Variants in PIK3CD observed in about 807,000 individuals in gnomAD.
PIK3CD encodes phosphatidylinositol-4,5-bisphosphate 3-kinase catalytic subunit delta.
A neutral mutation model predicts 122.9 loss-of-function variants in PIK3CD; 20 were observed. The observed-to-expected ratio is 0.16, with a 90% CI of 0.11 to 0.24. PIK3CD has a LOEUF of 0.24. PIK3CD is among the 10% of genes least tolerant of loss of function. The pLI is 1.00. For synonymous variants in PIK3CD, 596 were observed against 593.4 expected (o/e 1.00, Z -0.06); for missense variants, 787 against 1,406.3 (o/e 0.56, Z 7.04).
chr1:9,645,371 G>T, the PIK3CD span, among the ~76,000 whole-genome samples: 1 of 151,986 alleles, frequency 6.6e-6, no homozygotes, highest in African/African-American at 2.4e-5. Context: ...AAAAGAGAGG[G>T]TCATGATAAG....
chr1:9,635,710 C>A, the PIK3CD span, among the ~76,000 whole-genome samples: 1 of 152,258 alleles, frequency 6.6e-6, no homozygotes, highest in Non-Finnish European at 1.5e-5. Context: ...ATTGCCATAG[C>A]ACTGTGCTCT....
At chr1:9,713,163 G>A (rs188131584) in intron 3 of PIK3CD, among the ~76,000 whole-genome samples, 29 of 152,174 alleles carry the variant, frequency 1.9e-4, no homozygotes, top group Admixed American at 7.2e-4. Flanking sequence ...CAGCCTGGGC[G>A]ACAAGAGCGA....
the PIK3CD span, among the ~76,000 whole-genome samples, chr1:9,632,753 A>G: frequency 6.6e-6 from 1 of 152,006 alleles, no homozygotes; most frequent in East Asian, 1.9e-4. Context: ...GCCCATTGAG[A>G]AGGAATCTCT....
upstream of PIK3CD, among the ~76,000 whole-genome samples, chr1:9,647,494 A>G (rs1392177610): frequency 6.8e-6 from 1 of 146,594 alleles, no homozygotes; most frequent in Non-Finnish European, 1.5e-5. Flanking sequence ...TATTATTATT[A>G]TTATTATTAT....
intron 1 of PIK3CD, chr1:9,653,550 G>T: frequency 3.1e-6 from 1 of 319,444 alleles, no homozygotes; most frequent in Admixed American, 4.5e-5. Flanking sequence ...TGGAGGGGAC[G>T]ACTGTTCAGA....
the PIK3CD span, among the ~76,000 whole-genome samples, chr1:9,642,269 T>TGC: frequency 6.6e-6 from 1 of 151,444 alleles, no homozygotes; most frequent in Non-Finnish European, 1.5e-5. Flanking sequence ...TGCACCACCA[T>TGC]GCCCAGCTAA....
Position 9,722,018 on chromosome 1 carries a change from A to G in PIK3CD, c.2099A>G (p.Lys700Arg). The G allele has an allele frequency of 1.2e-6, 2 of 1,613,748 alleles. No individual in the cohort carries two copies. The highest frequency in any genetic ancestry group is 1.7e-6 in the Non-Finnish European group (2 of 1,180,032). Residue 700 changes from lysine (K) to arginine (R), a missense_variant, in exon 17 of 24, where the codon AAG (lysine) becomes AGG (arginine). Transcript: ENST00000377346. The surrounding 1 kb of genome is among the most constrained non-coding windows in gnomAD (Gnocchi z 7.6). The part of the protein sequence containing the change: ...SKLKALNDFV[K>R]LSSQKTPKPQ... ...CTGAAGGCCCTGAATGACTTCGTCA[A>G]GCTGAGCTCTCAGAAGACCCCCAAG...
the PIK3CD span, among the ~76,000 whole-genome samples, chr1:9,631,570 C>T: frequency 2.6e-5 from 4 of 152,178 alleles, no homozygotes; most frequent in South Asian, 2.1e-4. Flanking sequence ...GCAGGAGAAT[C>T]GTTTGAACCC....
At chr1:9,673,539 G>A (rs1645405270) in intron 1 of PIK3CD, among the ~76,000 whole-genome samples, 1 of 152,080 alleles carries the variant, frequency 6.6e-6, no homozygotes, top group Non-Finnish European at 1.5e-5. Flanking sequence ...GGGATTACAG[G>A]CATGAGCCAC....
chr1:9,728,149 A>G lies in PIK3CD; in HGVS notation c.*1103A>G, dbSNP rs1649969364. 6.6e-6 allele frequency: 1 copy of G among 152,312 alleles called. No individual in the cohort carries two copies. Among genetic ancestry groups the G allele is most frequent in the Non-Finnish European group, 1.5e-5 (1 of 68,136 alleles). 9.4% of individuals were successfully genotyped at this position (152,312 alleles called of 1,614,324 possible). A position where few individuals can be genotyped will look rare whatever the true frequency, so the allele number is the denominator to read the frequency against. On this transcript the variant is annotated 3_prime_UTR_variant, in exon 24 of 24. Transcript: ENST00000377346. ...CCACCTCTGAAAGCAGGTTTTAACA[A>G]AAGGATGAGGCCAGAACTCTTCCAG...
rs1570400006 is a variant in PIK3CD, at chr1:9,724,249, C to A, written c.2719-27C>A. 1 of 1,613,922 alleles carries A rather than the reference C, an allele frequency of 6.2e-7. No homozygotes were observed. The highest frequency in any genetic ancestry group is 8.5e-7 in the Non-Finnish European group (1 of 1,179,964). On this transcript the variant is annotated intron_variant, in intron 21 of 23. Transcript: ENST00000377346. The surrounding 1 kb of genome is among the most constrained non-coding windows in gnomAD (Gnocchi z 7.3). ...CTCTCCTGTCTGACACCTTCTCAAT[C>A]CTCCCCCTCCTCTCCCCTCCCCTCA...
chr1:9,691,487 G>A lies in PIK3CD; in HGVS notation c.-117G>A, dbSNP rs1334945023. 4 of 398,402 alleles carry A rather than the reference G, an allele frequency of 1.0e-5. No homozygotes were observed. The highest frequency in any genetic ancestry group is 1.8e-5 in the Non-Finnish European group (4 of 226,094). The allele number at this position is 398,402 out of a possible 1,614,324, so 24.7% of individuals were successfully genotyped here. On this transcript the variant is annotated 5_prime_UTR_variant, in exon 2 of 24. Coordinates refer to ENST00000377346, the MANE Select transcript of PIK3CD (RefSeq NM_005026.5). ...AACAGATAAGGAGTCAGGCCAGGGC[G>A]GGATGACACTCATTGATTCTAAAGC...
intron 1 of PIK3CD, among the ~76,000 whole-genome samples, chr1:9,691,013 C>T (rs1019642347): frequency 2.6e-5 from 4 of 152,320 alleles, no homozygotes; most frequent in Admixed American, 1.3e-4. Context: ...TTATCTCCAG[C>T]CCAATAGGGC....
intron 2 of PIK3CD, among the ~76,000 whole-genome samples, chr1:9,698,660 G>T (rs764832922): frequency 2.0e-5 from 3 of 152,022 alleles, no homozygotes; most frequent in Non-Finnish European, 4.4e-5. Context: ...TAGCTTTTTT[G>T]ACTTTTGAAT....
chr1:9,630,485 T>C, the PIK3CD span, among the ~76,000 whole-genome samples: 1 of 152,198 alleles, frequency 6.6e-6, no homozygotes, highest in African/African-American at 2.4e-5. Flanking sequence ...GCCCTCTGGG[T>C]GCCAGACACA....
chr1:9,711,129 T>G (rs1280299750), intron 3 of PIK3CD, among the ~76,000 whole-genome samples: 3 of 152,184 alleles, frequency 2.0e-5, no homozygotes, highest in African/African-American at 7.2e-5. Context: ...AATCTCGCTC[T>G]GTCACCTAGG....
chr1:9,700,602 GCT>G lies in PIK3CD; in HGVS notation c.-33+9034_-33+9035del, dbSNP rs1646589618. Among the ~76,000 whole-genome samples, 1 of 152,058 alleles carries G rather than the reference GCT, an allele frequency of 6.6e-6. No homozygotes were observed. ...CTGGGTGACGCGACCCCAGCTCCCC[GCT>G]CTGTGTCTAGGCCGTCTCACCTGCC... On this transcript the variant is annotated intron_variant, in intron 2 of 23. Coordinates refer to ENST00000377346, the MANE Select transcript of PIK3CD (RefSeq NM_005026.5). This position sits in a 1 kb window ranked among gnomAD's most constrained non-coding sequence, Gnocchi z 5.1.
At position 9,726,893 on chromosome 1, in the gene PIK3CD, T is replaced by C. The variant is rs1291877297; in HGVS notation, c.2998-16T>C. The C allele has an allele frequency of 6.2e-7, 1 of 1,613,670 alleles. No homozygotes were observed. On this transcript the variant is annotated splice_polypyrimidine_tract_variant and intron_variant, in intron 23 of 23. Transcript: ENST00000377346. ...CGGGCCCCCTTAACGTGGACACCGCTGTGATTTGTTTGCAGGACTCCCTGG... is the reference window on the plus strand; with the variant it reads ...CGGGCCCCCTTAACGTGGACACCGCCGTGATTTGTTTGCAGGACTCCCTGG...
chr1:9,717,404 TG>T lies in PIK3CD; in HGVS notation c.931-131del. ...GGTTTTCTGGGAAAGGATAGCATTGTGGACAGGCCCAAACCTGGCCGCAAAC... is the reference window on the plus strand; with the variant it reads ...GGTTTTCTGGGAAAGGATAGCATTGTGACAGGCCCAAACCTGGCCGCAAAC... On this transcript the variant is annotated intron_variant, in intron 7 of 23. Transcript: ENST00000377346. This position sits in a 1 kb window ranked among gnomAD's most constrained non-coding sequence, Gnocchi z 5.4. 2 of 938,880 alleles carry T rather than the reference TG, an allele frequency of 2.1e-6. No homozygotes were observed. The highest frequency in any genetic ancestry group is 3.4e-6 in the Non-Finnish European group (2 of 587,372). The allele number at this position is 938,880 out of a possible 1,614,324, so 58.2% of individuals were successfully genotyped here. A position where few individuals can be genotyped will look rare whatever the true frequency, so the allele number is the denominator to read the frequency against.
Sources: gnomAD v4.1 joint callset for allele counts (sites outside exome capture counted in the v4.1 genomes callset) on GRCh38, gnomAD v4.1.1 for gene constraint, Gnocchi (gnomAD v3.1) non-coding constraint, MANE v1.5 for transcripts, NCBI Gene and HGNC (gene_info 2026-07-23, HGNC 2026-07-21) for gene names.